The following PODN variants were observed in gnomAD, a reference collection of about 807,000 sequenced individuals.
PODN encodes the protein podocan.
Under a neutral mutation model 52.7 loss-of-function variants are expected in PODN, and 40 were observed. The ratio of observed to expected loss-of-function variants is 0.76; its 90% CI spans 0.59 to 0.99. The LOEUF (loss-of-function observed/expected upper bound fraction) is 0.99. PODN is among the 50% of genes least tolerant of loss of function. The probability of loss-of-function intolerance (pLI) is 0.00; values close to 1 mark genes in which losing one functional copy is unlikely to be tolerated. For synonymous variants in PODN, 396 were observed against 377.9 expected (o/e 1.05, Z -0.56); for missense variants, 720 against 815.1 (o/e 0.88, Z 1.42).
chr1:53,081,824 T>C (rs770526739), intron 9 of PODN, among the ~76,000 whole-genome samples, 157 bp from the exon 10 acceptor site: 4 of 152,172 alleles, frequency 2.6e-5, no homozygotes, highest in Admixed American at 6.5e-5. Flanking sequence ...CCTTCCATCA[T>C]GTACTGCGCT....
Position 53,078,610 on chromosome 1 carries a change from A to G in PODN, c.1100A>G (p.Tyr367Cys). The G allele has an allele frequency of 6.2e-7, 1 of 1,613,036 alleles. No individual in the cohort carries two copies. The highest frequency in any genetic ancestry group is 8.5e-7 in the Non-Finnish European group (1 of 1,179,988). ...GLKRLHTVHL[Y>C]NNALERVPSG... Reference sequence around the variant, plus strand: ...AAGCGGTTGCACACGGTGCACCTGTACAACAACGCGCTGGAGCGCGTGCCC... The same window carrying G: ...AAGCGGTTGCACACGGTGCACCTGTGCAACAACGCGCTGGAGCGCGTGCCC... The change falls in exon 8 of 11, where the codon TAC becomes TGC. Residue 367 changes from tyrosine to cysteine, a missense_variant. Tyr to Cys is a radical substitution (Grantham distance 194, BLOSUM62 -2). Transcript: ENST00000312553.
Position 53,077,662 on chromosome 1 carries a change from CTCCCT to C in PODN, c.739-14_739-10del. On this transcript the variant is annotated intron_variant, in intron 6 of 10. Coordinates refer to ENST00000312553, the MANE Select transcript of PODN (RefSeq NM_153703.5). ...GCCCTCGGCCCTCCCTCACAATCTC[CTCCCT>C]TCCCTTCCATCCCCCAGAACAACAA... The C allele has an allele frequency of 6.3e-7, 1 of 1,599,388 alleles. No homozygotes were observed. The highest frequency in any genetic ancestry group is 8.5e-7 in the Non-Finnish European group (1 of 1,170,478).
chr1:53,081,134 C>T (rs1406086021), intron 9 of PODN, among the ~76,000 whole-genome samples: 3 of 152,260 alleles, frequency 2.0e-5, no homozygotes, highest in African/African-American at 7.2e-5. Context: ...CAGCATCTTC[C>T]TGGTTTGCAG....
chr1:53,062,607 G>A (rs1643974036), intron 1 of PODN, among the ~76,000 whole-genome samples: 1 of 152,252 alleles, frequency 6.6e-6, no homozygotes, highest in South Asian at 2.1e-4. Context: ...GGCGGTTGGG[G>A]GCGGGGGCTG....
intron 3 of PODN, among the ~76,000 whole-genome samples, chr1:53,071,948 AGT>A (rs1644125834): frequency 6.6e-6 from 1 of 152,144 alleles, no homozygotes; most frequent in Non-Finnish European, 1.5e-5. Flanking sequence ...GAATTTCACA[AGT>A]GTAATAACAT....
chr1:53,066,988 A>G lies in PODN; in HGVS notation c.-55-2813A>G, dbSNP rs550646942. 66 of 1,000,834 alleles carry G rather than the reference A, an allele frequency of 6.6e-5. No homozygotes were observed. In the South Asian group the frequency reaches 6.7e-4, roughly 10 times the overall value. 62.0% of individuals were successfully genotyped at this position (1,000,834 alleles called of 1,614,324 possible). A position where few individuals can be genotyped will look rare whatever the true frequency, so the allele number is the denominator to read the frequency against. Reference sequence around the variant, plus strand: ...CACACTCTCGCTCTTAGAACCCCGGACTACAGTGGGGTCAGATGGGCAAGT... The same window carrying G: ...CACACTCTCGCTCTTAGAACCCCGGGCTACAGTGGGGTCAGATGGGCAAGT... On this transcript the variant is annotated intron_variant, in intron 1 of 10. Coordinates refer to ENST00000312553, the MANE Select transcript of PODN (RefSeq NM_153703.5).
chr1:53,065,694 C>G (rs1439059488), intron 1 of PODN, among the ~76,000 whole-genome samples: 2 of 152,224 alleles, frequency 1.3e-5, no homozygotes, highest in African/African-American at 2.4e-5. Context: ...CACTCCCTAA[C>G]CTGCCCTTCA....
intron 1 of PODN, among the ~76,000 whole-genome samples, chr1:53,067,124 C>CGTA (rs1644045526): frequency 2.6e-5 from 4 of 152,074 alleles, no homozygotes; most frequent in Admixed American, 2.6e-4. Flanking sequence ...GTGGAGTGAG[C>CGTA]GTAGGGCTGG....
At chr1:53,070,907 C>T (rs1644107695) in intron 2 of PODN, 1 of 152,600 alleles carries the variant, frequency 6.6e-6, no homozygotes. Context: ...TCAACTCTCT[C>T]AGGCGCCTGC....
chr1:53,080,661 G>A (rs1644281857), intron 8 of PODN, 67 bp from the exon 9 acceptor site: 1 of 1,532,024 alleles, frequency 6.5e-7, no homozygotes, highest in Non-Finnish European at 8.9e-7. Flanking sequence ...GGCTTGGTGG[G>A]AGTTTTGTAA....
intron 8 of PODN, among the ~76,000 whole-genome samples, chr1:53,080,470 C>T (rs1349415261): frequency 1.3e-5 from 2 of 152,202 alleles, no homozygotes; most frequent in African/African-American, 2.4e-5. Flanking sequence ...GTAGGACGTT[C>T]ATCAATTAGA....
chr1:53,062,264 G>T lies in PODN; in HGVS notation c.-100G>T. The T allele has an allele frequency of 7.9e-7, 1 of 1,272,368 alleles. No individual in the cohort carries two copies. Among genetic ancestry groups the T allele is most frequent in the Non-Finnish European group, 1.0e-6 (1 of 1,002,244 alleles). The allele number at this position is 1,272,368 out of a possible 1,614,324, so 78.8% of individuals were successfully genotyped here. A position where few individuals can be genotyped will look rare whatever the true frequency, so the allele number is the denominator to read the frequency against. On this transcript the variant is annotated 5_prime_UTR_variant, in exon 1 of 11. Coordinates refer to ENST00000312553, the MANE Select transcript of PODN (RefSeq NM_153703.5). ...GCGGAGCGCAGCTGAGACTGGGGGA[G>T]CGCGTTCGGCCTGTGGGGCGCCGCT...
rs373979403 is a variant in PODN at position 53,078,629 on chromosome 1, C to T, written c.1119C>T (p.Arg373=). Reference sequence around the variant, plus strand: ...ACCTGTACAACAACGCGCTGGAGCGCGTGCCCAGTGGCCTGCCTCGCCGCG... The same window carrying T: ...ACCTGTACAACAACGCGCTGGAGCGTGTGCCCAGTGGCCTGCCTCGCCGCG... ...TVHLYNNALE[R]VPSGLPRRVR... The change falls in exon 8 of 11, where the codon CGC becomes CGT. Residue 373 remains arginine, a synonymous_variant. Transcript: ENST00000312553. 1.1e-5 allele frequency: 17 copies of T among 1,612,922 alleles called. No homozygotes were observed. The highest frequency in any genetic ancestry group is 6.7e-5 in the East Asian group (3 of 44,898).
chr1:53,079,766 A>T (rs920636492), intron 8 of PODN, among the ~76,000 whole-genome samples: 1 of 152,116 alleles, frequency 6.6e-6, no homozygotes, highest in Non-Finnish European at 1.5e-5. Context: ...AGGCTGAGGC[A>T]GGAGGATCAC....
At position 53,081,881 on chromosome 1, in the gene PODN, C is replaced by T; in HGVS notation, c.1662-100C>T. The T allele has an allele frequency of 2.7e-6, 4 of 1,487,618 alleles. No individual in the cohort carries two copies. The Admixed American group carries it at 6.9e-5, about 26-fold the overall frequency. The allele number at this position is 1,487,618 out of a possible 1,614,324, so 92.2% of individuals were successfully genotyped here. On this transcript the variant is annotated intron_variant, in intron 9 of 10. Transcript: ENST00000312553. ...CCTGCTGCACCACTTTCCGGGAGGG[C>T]CATTCCCTCCCCTGTTACCTTCTGG...
At chr1:53,074,789 C>A in intron 4 of PODN, 119 bp downstream of exon 4, 1 of 888,570 alleles carries the variant, frequency 1.1e-6, no homozygotes, top group South Asian at 1.6e-5. Context: ...CTTGTTGCTG[C>A]TCAGACATGG....
At chr1:53,066,552 G>A (rs986795503) in intron 1 of PODN, among the ~76,000 whole-genome samples, 3 of 152,100 alleles carry the variant, frequency 2.0e-5, no homozygotes, top group Non-Finnish European at 2.9e-5. Flanking sequence ...TGGAGTGAAC[G>A]GTGCAGCTGT....
In PODN at chr1:53,082,015, A is replaced by G; in HGVS notation, c.1696A>G (p.Ser566Gly). Residue 566 changes from serine (S) to glycine (G), a missense_variant, in exon 10 of 11, where the codon AGT (serine) becomes GGT (glycine). Physicochemically the swap from Ser to Gly is moderately conservative, Grantham distance 56. Coordinates refer to ENST00000312553, the MANE Select transcript of PODN (RefSeq NM_153703.5). ...NKLAVGSVVDSAFRRLKHLQV... is the reference protein window; with the variant it reads ...NKLAVGSVVDGAFRRLKHLQV... The stretch of plus-strand genomic sequence containing the variant: ...GCTGGCTGTGGGCTCCGTGGTGGAC[A>G]GTGCCTTCCGGAGGCTGAAGCACCT... 3 of 1,612,796 alleles carry G rather than the reference A, an allele frequency of 1.9e-6. No individual in the cohort carries two copies. Among genetic ancestry groups the G allele is most frequent in the Non-Finnish European group, 1.7e-6 (2 of 1,179,340 alleles).
intron 3 of PODN, chr1:53,073,720 G>A (rs1557652097): frequency 6.6e-6 from 1 of 152,178 alleles, no homozygotes; most frequent in Non-Finnish European, 1.5e-5. Flanking sequence ...AACTACTATT[G>A]ACATTTTGGT....
Sources: gnomAD v4.1 joint callset for allele counts (sites outside exome capture counted in the v4.1 genomes callset) on GRCh38, gnomAD v4.1.1 for gene constraint, MANE v1.5 for transcripts, NCBI Gene and HGNC (gene_info 2026-07-23, HGNC 2026-07-21) for gene names.